RBM44: variants seen among roughly 807,000 people sequenced by gnomAD.
RBM44 encodes RNA-binding protein 44.
In RBM44, 66 loss-of-function variants were observed where a neutral mutation model predicts 105.1. The observed-to-expected ratio is 0.63, with a 90% CI of 0.52 to 0.77. The LOEUF (loss-of-function observed/expected upper bound fraction) is 0.77. Among genes scored for constraint, RBM44 ranks in the 30% least tolerant of loss-of-function variants. RBM44 has a pLI of 0.00. For synonymous variants in RBM44, 365 were observed against 417.6 expected (o/e 0.87, Z 1.54); for missense variants, 1,122 against 1,207.8 (o/e 0.93, Z 1.05).
rs1266369755 is a variant in RBM44 at position 237,803,023 on chromosome 2, T to G, written c.-19+4162T>G. Among the ~76,000 whole-genome samples the G allele has an allele frequency of 5.3e-5, 8 of 152,162 alleles. No homozygotes were observed. The highest frequency in any genetic ancestry group is 1.0e-4 in the Non-Finnish European group (7 of 68,026). On this transcript the variant is annotated intron_variant, in intron 1 of 15. Coordinates refer to ENST00000316997, the MANE Select transcript of RBM44 (RefSeq NM_001080504.3). The surrounding 1 kb of genome is among the most constrained non-coding windows in gnomAD (Gnocchi z 4.2). The stretch of plus-strand genomic sequence containing the variant: ...GGCTCATGCCTGTAATCCCAGCACT[T>G]TGGGAGGCCGAGGCGGGTGGATCAC...
chr2:237,813,845 T>C (rs188052515), intron 2 of RBM44, among the ~76,000 whole-genome samples, 163 bp downstream of exon 2: 74 of 152,286 alleles, frequency 4.9e-4, no homozygotes, highest in Admixed American at 2.8e-3. Flanking sequence ...AGGTGATTTT[T>C]GGTGGATCAG....
chr2:237,815,999 C>A (rs865941498), intron 2 of RBM44, among the ~76,000 whole-genome samples: 11 of 152,244 alleles, frequency 7.2e-5, no homozygotes, highest in Middle Eastern at 3.4e-3. Flanking sequence ...CTTAGCACAT[C>A]ATAAAGGGCC....
chr2:237,828,343 A>G (rs1439632366), intron 12 of RBM44, among the ~76,000 whole-genome samples: 2 of 152,280 alleles, frequency 1.3e-5, no homozygotes, highest in East Asian at 1.9e-4. Flanking sequence ...ATGAAGTCAT[A>G]TAATTGTAAG....
At chr2:237,833,390 A>G (rs1217576421) in intron 13 of RBM44, among the ~76,000 whole-genome samples, 1 of 152,226 alleles carries the variant, frequency 6.6e-6, no homozygotes, top group Admixed American at 6.5e-5. Context: ...TGCAGTGTTA[A>G]CAGTAACTAA....
Position 237,834,049 on chromosome 2 carries a change from C to A in RBM44, c.2939C>A (p.Thr980Lys). Residue 980 changes from threonine to lysine, a missense_variant, in exon 14 of 16, where the codon ACA (threonine) becomes AAA (lysine). This residue lies in a region of RBM44 where 194 missense variants were observed against 225.5 expected (regional missense o/e 0.86). Transcript: ENST00000316997. ...QIESAKLLPD[T>K]PVQFIPPNTL... ...GAATCTGCTAAATTATTACCTGATA[C>A]ACCCGTTCAATTCATACCTCCAAAT... 1 of 1,573,778 alleles carries A rather than the reference C, an allele frequency of 6.4e-7. No individual in the cohort carries two copies.
chr2:237,811,160 T>C (rs971201020), intron 1 of RBM44, among the ~76,000 whole-genome samples: 18 of 152,304 alleles, frequency 1.2e-4, no homozygotes, highest in African/African-American at 4.3e-4. Context: ...CTGGACTACC[T>C]TATTTAAAGT....
chr2:237,815,898 AG>A (rs1257489905), intron 2 of RBM44, among the ~76,000 whole-genome samples: 11 of 152,146 alleles, frequency 7.2e-5, no homozygotes, highest in African/African-American at 2.6e-4. Flanking sequence ...TTCTGTTGCC[AG>A]GAATGACTAC....
intron 2 of RBM44, among the ~76,000 whole-genome samples, chr2:237,814,274 ATAG>A (rs965833570): frequency 2.0e-5 from 3 of 152,212 alleles, no homozygotes; most frequent in East Asian, 1.9e-4. Context: ...ATTTGGGGTG[ATAG>A]TAGTAAAGAG....
At chr2:237,835,760 A>G (rs1173936977) in intron 15 of RBM44, among the ~76,000 whole-genome samples, 2 of 126,170 alleles carry the variant, frequency 1.6e-5, no homozygotes, top group Non-Finnish European at 3.4e-5. Flanking sequence ...TAAAGAAATA[A>G]GCCATCTTTT....
chr2:237,831,913 C>G (rs1327988335), intron 13 of RBM44, among the ~76,000 whole-genome samples: 1 of 152,102 alleles, frequency 6.6e-6, no homozygotes, highest in African/African-American at 2.4e-5. Flanking sequence ...TGCGTGGGGC[C>G]CTGAGCTGGA....
In RBM44 at chr2:237,803,355, TCTCA is replaced by T. The variant is rs76687419; in HGVS notation, c.-19+4500_-19+4503del. On this transcript the variant is annotated intron_variant, in intron 1 of 15. Coordinates refer to ENST00000316997, the MANE Select transcript of RBM44 (RefSeq NM_001080504.3). The surrounding 1 kb of genome is among the most constrained non-coding windows in gnomAD (Gnocchi z 4.2). ...CTCACACACACACACATACTTTCTC[TCTCA>T]CTCACACACACACACACAAATTTTA... Among the ~76,000 whole-genome samples the T allele has an allele frequency of 0.065, 9,808 of 151,738 alleles. 326 individuals are homozygous for T. The highest frequency in any genetic ancestry group is 0.14 in the Middle Eastern group (41 of 292).
chr2:237,821,513 A>C lies in RBM44; in HGVS notation c.2120+145A>C, dbSNP rs115251629. 869 of 761,142 alleles carry C rather than the reference A, an allele frequency of 1.1e-3. 6 individuals are homozygous for C. In the African/African-American group the frequency reaches 0.014, roughly 12 times the overall value. 47.1% of individuals were successfully genotyped at this position (761,142 alleles called of 1,614,324 possible). A position where few individuals can be genotyped will look rare whatever the true frequency, so the allele number is the denominator to read the frequency against. On this transcript the variant is annotated intron_variant, in intron 7 of 15. Coordinates refer to ENST00000316997, the MANE Select transcript of RBM44 (RefSeq NM_001080504.3). ...TTTATCTTTTTTCTTGACATTTAAT[A>C]TTGTACAAATGTATGGGGTACATGT...
At chr2:237,824,215 T>A in intron 9 of RBM44, 76 bp from the exon 10 acceptor site, 1 of 1,423,848 alleles carries the variant, frequency 7.0e-7, no homozygotes, top group South Asian at 1.3e-5. Flanking sequence ...TACTGATTCA[T>A]CCATGGTTTT....
At chr2:237,835,355 A>G (rs919444753) in intron 15 of RBM44, among the ~76,000 whole-genome samples, 5 of 152,210 alleles carry the variant, frequency 3.3e-5, no homozygotes, top group Non-Finnish European at 5.9e-5. Flanking sequence ...AATGACTCTT[A>G]AAAGAAAGAG....
chr2:237,806,569 A>G (rs1394963262), intron 1 of RBM44, among the ~76,000 whole-genome samples: 1 of 152,178 alleles, frequency 6.6e-6, no homozygotes, highest in African/African-American at 2.4e-5. Context: ...ACCATGGAAA[A>G]AGAACAAGGA....
chr2:237,836,771 T>G (rs927382656), intron 15 of RBM44, among the ~76,000 whole-genome samples: 5 of 133,348 alleles, frequency 3.7e-5, no homozygotes, highest in African/African-American at 1.2e-4. Flanking sequence ...AGAGCGAGAC[T>G]CCGTCTCAAA....
At chr2:237,804,706 C>A (rs1329376388) in intron 1 of RBM44, among the ~76,000 whole-genome samples, 2 of 152,184 alleles carry the variant, frequency 1.3e-5, no homozygotes, top group African/African-American at 4.8e-5. Context: ...CTATAGGTAG[C>A]AGATGCATAG....
chr2:237,820,198 C>T lies in RBM44; in HGVS notation c.1760C>T (p.Thr587Ile). 9 of 1,541,174 alleles carry T rather than the reference C, an allele frequency of 5.8e-6. No homozygotes were observed. Among genetic ancestry groups the T allele is most frequent in the Non-Finnish European group, 7.9e-6 (9 of 1,143,758 alleles). The stretch of plus-strand genomic sequence containing the variant: ...AGGGAATTTCAACTTTTTAAAGATA[C>T]AGAGAAGGATTTGCCATCAATGTGC... ...PEREFQLFKD[T>I]EKDLPSMCCQ... The change falls in exon 5 of 16, where the codon ACA becomes ATA. Residue 587 changes from threonine (T) to isoleucine (I), a missense_variant. Physicochemically the swap from Thr to Ile is moderately conservative, Grantham distance 89 (BLOSUM62 -1). Transcript: ENST00000316997.
At position 237,825,731 on chromosome 2, in the gene RBM44, T is replaced by C. The variant is rs367571971; in HGVS notation, c.2449+1312T>C. Among the ~76,000 whole-genome samples the C allele has an allele frequency of 1.5e-4, 23 of 152,278 alleles. No individual in the cohort carries two copies. In the South Asian group the frequency reaches 4.8e-3, roughly 32 times the overall value. Reference sequence around the variant, plus strand: ...ATTCATTAGCTATTTTGTGTTGAAGTAGTGAAAGGTGAGGTGATGGGTATA... The same window carrying C: ...ATTCATTAGCTATTTTGTGTTGAAGCAGTGAAAGGTGAGGTGATGGGTATA... On this transcript the variant is annotated intron_variant, in intron 10 of 15. Coordinates refer to ENST00000316997, the MANE Select transcript of RBM44 (RefSeq NM_001080504.3).
Sources: allele counts gnomAD v4.1 joint callset (sites outside exome capture counted in the v4.1 genomes callset), GRCh38; gene constraint gnomAD v4.1.1; regional missense constraint gnomAD v4.1.1; non-coding constraint Gnocchi (gnomAD v3.1); transcripts MANE v1.5; gene names NCBI Gene and HGNC (gene_info 2026-07-23, HGNC 2026-07-21).